The following TTC39C variants were observed in gnomAD, a reference collection of about 807,000 sequenced individuals.
TTC39C encodes the protein tetratricopeptide repeat protein 39C.
TTC39C carries 33 observed loss-of-function variants against 76.3 expected under a neutral mutation model. That is an observed-to-expected ratio of 0.43 (90% CI 0.33 to 0.58). TTC39C has a LOEUF of 0.58. Among genes scored for constraint, TTC39C ranks in the 20% least tolerant of loss-of-function variants. The probability of loss-of-function intolerance (pLI) is 0.04; values close to 1 mark genes in which losing one functional copy is unlikely to be tolerated. For missense variants in TTC39C, 595 were observed against 701.4 expected (o/e 0.85, Z 1.71); for synonymous variants, 254 against 260.6 (o/e 0.97, Z 0.24).
intron 1 of TTC39C, among the ~76,000 whole-genome samples, chr18:24,024,329 G>A (rs139896835): frequency 5.3e-4 from 80 of 151,912 alleles, no homozygotes; most frequent in African/African-American, 1.8e-3. Flanking sequence ...TTTTTAAAGT[G>A]TAAATGCTCA....
intron 1 of TTC39C, among the ~76,000 whole-genome samples, chr18:24,061,601 A>G (rs1311261413): frequency 1.3e-5 from 2 of 149,644 alleles, no homozygotes; most frequent in African/African-American, 2.4e-5. Flanking sequence ...AGTAAAAAAA[A>G]AAAAAAAAAA....
exon 1 of TTC39C, chr18:23,993,019 A>C (rs1180906674): frequency 6.6e-6 from 1 of 152,254 alleles, no homozygotes; most frequent in Non-Finnish European, 1.5e-5. Context: ...GCTCCTAAGA[A>C]ATCTCAAGCT....
In TTC39C at chr18:24,114,667, C is replaced by A; in HGVS notation, c.1078+20C>A. 1 of 1,566,878 alleles carries A rather than the reference C, an allele frequency of 6.4e-7. No homozygotes were observed. The highest frequency in any genetic ancestry group is 8.8e-7 in the Non-Finnish European group (1 of 1,137,986). On this transcript the variant is annotated intron_variant, in intron 7 of 13. Coordinates refer to ENST00000317571, the MANE Select transcript of TTC39C (RefSeq NM_001135993.2). The stretch of plus-strand genomic sequence containing the variant: ...AAATTGGTAAATATGAAATGTCTGT[C>A]CAGCCTCTTGTTAAGAAGTAGTATT...
intron 3 of TTC39C, among the ~76,000 whole-genome samples, chr18:24,067,087 A>G (rs1039772787): frequency 6.6e-6 from 1 of 152,248 alleles, no homozygotes; most frequent in Non-Finnish European, 1.5e-5. Flanking sequence ...CATATTGGCA[A>G]AAATCCTGTT....
At chr18:24,076,409 G>A (rs2084308442) in intron 4 of TTC39C, among the ~76,000 whole-genome samples, 1 of 152,072 alleles carries the variant, frequency 6.6e-6, no homozygotes, top group South Asian at 2.1e-4. Flanking sequence ...CTCTTAAATA[G>A]CGTGTTCTCT....
intron 1 of TTC39C, among the ~76,000 whole-genome samples, chr18:24,044,480 C>T (rs2083838954): frequency 6.6e-6 from 1 of 152,174 alleles, no homozygotes; most frequent in Non-Finnish European, 1.5e-5. Flanking sequence ...GGGTGCACCG[C>T]TTTTGCGGCA....
intron 1 of TTC39C, among the ~76,000 whole-genome samples, chr18:24,046,084 G>A (rs919741859): frequency 3.3e-4 from 50 of 150,728 alleles, no homozygotes; most frequent in South Asian, 8.4e-4. Context: ...GACTACAGGC[G>A]CCCGCCACCA....
At chr18:24,049,052 T>TAAA (rs1265226419) in intron 1 of TTC39C, among the ~76,000 whole-genome samples, 1 of 152,214 alleles carries the variant, frequency 6.6e-6, no homozygotes, top group Non-Finnish European at 1.5e-5. Flanking sequence ...AGAAGTGGCC[T>TAAA]TTATAATGCC....
chr18:24,109,675 A>C (rs2145802241), intron 6 of TTC39C, among the ~76,000 whole-genome samples: 1 of 152,350 alleles, frequency 6.6e-6, no homozygotes, highest in Admixed American at 6.5e-5. Flanking sequence ...GTAAAGCACT[A>C]AATGAAAAAT....
At chr18:24,009,001 A>G (rs1355808358) in intron 1 of TTC39C, among the ~76,000 whole-genome samples, 1 of 152,210 alleles carries the variant, frequency 6.6e-6, no homozygotes, top group Non-Finnish European at 1.5e-5. Flanking sequence ...CTAAATGATG[A>G]GAACATATGG....
At chr18:24,099,041 A>G (rs544532774) in intron 6 of TTC39C, among the ~76,000 whole-genome samples, 9,030 of 63,560 alleles carry the variant, frequency 0.14, 285 homozygotes, top group Middle Eastern at 0.21. Context: ...GTGTGTATAT[A>G]TATATCTATA....
chr18:24,065,984 C>T, intron 2 of TTC39C, 28 bp from the exon 3 acceptor site: 1 of 1,520,598 alleles, frequency 6.6e-7, no homozygotes, highest in Non-Finnish European at 8.8e-7. Context: ...CTAATTCATT[C>T]ATTCATTCAT....
chr18:24,043,838 C>G (rs2083827600), intron 1 of TTC39C, among the ~76,000 whole-genome samples: 1 of 152,228 alleles, frequency 6.6e-6, no homozygotes, highest in South Asian at 2.1e-4. Context: ...GTATTAAGCT[C>G]ATTCACAGCA....
At chr18:24,090,557 CA>C (rs997802591) in intron 6 of TTC39C, among the ~76,000 whole-genome samples, 13 of 151,930 alleles carry the variant, frequency 8.6e-5, no homozygotes, top group African/African-American at 3.1e-4. Context: ...GTGTCTGTCA[CA>C]ATCACAGCAT....
chr18:24,029,093 GTT>G (rs2083635509), intron 1 of TTC39C, among the ~76,000 whole-genome samples: 1 of 75,844 alleles, frequency 1.3e-5, no homozygotes, highest in African/African-American at 4.3e-5. Flanking sequence ...TGTGTGTGGT[GTT>G]GTTGTTGTTG....
At chr18:24,012,665 G>T (rs1447016622), upstream of TTC39C, among the ~76,000 whole-genome samples, 2 of 152,072 alleles carry the variant, frequency 1.3e-5, no homozygotes, top group African/African-American at 2.4e-5. Flanking sequence ...TTATTGACTA[G>T]ACTGCTTCAG....
intron 6 of TTC39C, among the ~76,000 whole-genome samples, chr18:24,110,994 C>T (rs1237778495): frequency 6.9e-6 from 1 of 144,082 alleles, no homozygotes; most frequent in Non-Finnish European, 1.5e-5. Flanking sequence ...CAGAGAAAGA[C>T]TTTTTTTTTT....
chr18:24,017,101 T>TA (rs780310880), intron 1 of TTC39C, among the ~76,000 whole-genome samples: 27 of 152,154 alleles, frequency 1.8e-4, no homozygotes, highest in Admixed American at 1.4e-3. Context: ...CCAGCAATGT[T>TA]AAAAAGCCTT....
chr18:24,061,210 G>A (rs989898972), intron 1 of TTC39C, among the ~76,000 whole-genome samples: 1 of 149,168 alleles, frequency 6.7e-6, no homozygotes, highest in Non-Finnish European at 1.5e-5. Context: ...TTCAATATCA[G>A]CAAATATTTA....
Sources: allele counts gnomAD v4.1 joint callset (sites outside exome capture counted in the v4.1 genomes callset), GRCh38; gene constraint gnomAD v4.1.1; transcripts MANE v1.5; gene names NCBI Gene and HGNC (gene_info 2026-07-23, HGNC 2026-07-21).